MMP16: variants seen among roughly 807,000 people sequenced by gnomAD.
MMP16 encodes the protein matrix metalloproteinase-16.
MMP16 carries 12 observed loss-of-function variants against 67.8 expected under a neutral mutation model. The ratio of observed to expected loss-of-function variants is 0.18; its 90% CI spans 0.11 to 0.29. MMP16 has a LOEUF of 0.29. Ranked by LOEUF, MMP16 falls within the 10% of genes least tolerant of loss-of-function variation. The probability of loss-of-function intolerance (pLI) is 1.00; values close to 1 mark genes in which losing one functional copy is unlikely to be tolerated. For missense variants in MMP16, 475 were observed against 765.7 expected (o/e 0.62, Z 4.48); for synonymous variants, 249 against 255.9 (o/e 0.97, Z 0.26).
At chr8:88,319,925 A>G (rs1405736587) in intron 1 of MMP16, among the ~76,000 whole-genome samples, 5 of 152,184 alleles carry the variant, frequency 3.3e-5, no homozygotes, top group East Asian at 1.9e-4. Context: ...ACTTACTTCA[A>G]TAATCCATAT....
intron 3 of MMP16, among the ~76,000 whole-genome samples, chr8:88,185,814 C>T (rs1294894649): frequency 6.6e-6 from 1 of 152,080 alleles, no homozygotes; most frequent in Admixed American, 6.6e-5. Context: ...TTATAACAAG[C>T]ATTGTATTTA....
chr8:88,326,622 CCTCTA>C (rs1811542605), intron 1 of MMP16, among the ~76,000 whole-genome samples: 1 of 152,132 alleles, frequency 6.6e-6, no homozygotes, highest in Admixed American at 6.5e-5. Flanking sequence ...CCCACGCTCT[CCTCTA>C]GATTCTTTGA....
In MMP16 at chr8:88,056,236, C is replaced by A; in HGVS notation, c.1265G>T (p.Gly422Val). Residue 422 changes from glycine (G) to valine (V), a missense_variant, in exon 8 of 10, where the codon GGT becomes GTT. Around this residue, in one of 5 missense-constraint regions of MMP16, gnomAD observed 195 missense variants for 300.9 expected, o/e 0.65. Transcript: ENST00000286614. ...WVFKDTTLQP[G>V]YPHDLITLGS... Reference sequence around the variant, plus strand: ...AAGGGTTATCAAGTCATGAGGGTAACCAGGTTGAAGAGTTGTATCCTTGAA... The same window carrying A: ...AAGGGTTATCAAGTCATGAGGGTAAACAGGTTGAAGAGTTGTATCCTTGAA... 6.3e-7 allele frequency: 1 copy of A among 1,597,192 alleles called. No homozygotes were observed. Among genetic ancestry groups the A allele is most frequent in the Non-Finnish European group, 8.5e-7 (1 of 1,169,920 alleles).
At chr8:88,096,767 A>G (rs542227138) in intron 6 of MMP16, among the ~76,000 whole-genome samples, 45 of 152,022 alleles carry the variant, frequency 3.0e-4, no homozygotes, top group Middle Eastern at 3.4e-3. Flanking sequence ...TCTGGCAAAT[A>G]TTATCTAAAT....
At chr8:88,283,799 TG>T (rs1054206010) in intron 1 of MMP16, among the ~76,000 whole-genome samples, 24 of 152,216 alleles carry the variant, frequency 1.6e-4, no homozygotes, top group Admixed American at 9.8e-4. Context: ...TTCCCATAAA[TG>T]TACTGTTTGG....
At chr8:88,259,619 GGAAAGA>G (rs1810356249) in intron 1 of MMP16, among the ~76,000 whole-genome samples, 2 of 151,838 alleles carry the variant, frequency 1.3e-5, no homozygotes, top group Non-Finnish European at 2.9e-5. Flanking sequence ...AAAAAAGAAA[GGAAAGA>G]GAAAGAGAAA....
intron 1 of MMP16, among the ~76,000 whole-genome samples, chr8:88,296,840 G>T (rs1811020589): frequency 7.3e-6 from 1 of 136,574 alleles, no homozygotes. Flanking sequence ...GTCAGACACT[G>T]CCTAAAAAAA....
intron 1 of MMP16, among the ~76,000 whole-genome samples, chr8:88,254,328 G>C (rs1367545271): frequency 6.6e-6 from 1 of 152,096 alleles, no homozygotes; most frequent in African/African-American, 2.4e-5. Context: ...GTGAGAGGGA[G>C]AGGATCAGGA....
chr8:88,257,203 A>T (rs1810316798), intron 1 of MMP16, among the ~76,000 whole-genome samples: 1 of 152,204 alleles, frequency 6.6e-6, no homozygotes, highest in South Asian at 2.1e-4. Context: ...AAGGACCTAC[A>T]TCCATTCAAC....
intron 1 of MMP16, among the ~76,000 whole-genome samples, chr8:88,313,162 G>T (rs1811323022): frequency 6.6e-6 from 1 of 152,162 alleles, no homozygotes; most frequent in African/African-American, 2.4e-5. Flanking sequence ...TTATATGGAT[G>T]TATCAGAGTT....
rs1210000450 is a variant in MMP16 at position 88,046,688 on chromosome 8, T to C, written c.1470A>G (p.Ala490=). ...GCATACCATTTTCTTTGTGTACAAA[T>C]GCTCCCTGAGGAGATTCAGGGATCC... The part of the protein sequence containing the change: ...WKGIPESPQG[A]FVHKENGFTY... Residue 490 remains alanine (A), a synonymous_variant, in exon 9 of 10, where the codon GCA becomes GCG. Transcript: ENST00000286614. 6.2e-7 allele frequency: 1 copy of C among 1,602,860 alleles called. No individual in the cohort carries two copies. Among genetic ancestry groups the C allele is most frequent in the African/African-American group, 1.3e-5 (1 of 74,310 alleles).
At chr8:88,201,446 G>T (rs1809344006) in intron 1 of MMP16, among the ~76,000 whole-genome samples, 1 of 152,008 alleles carries the variant, frequency 6.6e-6, no homozygotes, top group Admixed American at 6.6e-5. Flanking sequence ...GTACTCATAT[G>T]AATAGAAAAG....
chr8:88,206,968 T>C (rs906756825), intron 1 of MMP16, among the ~76,000 whole-genome samples: 46 of 152,326 alleles, frequency 3.0e-4, no homozygotes, highest in African/African-American at 1.1e-3. Context: ...TCCATTTATA[T>C]GTATATTTTT....
rs529192880 is a variant in MMP16 at position 88,242,474 on chromosome 8, G to C, written c.133-45168C>G. Reference sequence around the variant, plus strand: ...AAATGATACTTTGCAATAAAGTTAAGTATGCTGCCCTGTGTGAACACAGCA... The same window carrying C: ...AAATGATACTTTGCAATAAAGTTAACTATGCTGCCCTGTGTGAACACAGCA... On this transcript the variant is annotated intron_variant, in intron 1 of 9. Transcript: ENST00000286614. 3.3e-5 allele frequency among the ~76,000 whole-genome samples: 5 copies of C among 152,324 alleles called. 1 individual carries two copies. The East Asian group carries it at 9.7e-4, about 29-fold the overall frequency.
chr8:88,091,800 T>G (rs1212410691), intron 6 of MMP16, among the ~76,000 whole-genome samples: 2 of 151,912 alleles, frequency 1.3e-5, no homozygotes, highest in Non-Finnish European at 2.9e-5. Flanking sequence ...TTAAGTTAAC[T>G]AAATCTAATT....
chr8:88,186,012 G>A (rs1480276750), intron 3 of MMP16, among the ~76,000 whole-genome samples: 1 of 152,078 alleles, frequency 6.6e-6, no homozygotes, highest in Non-Finnish European at 1.5e-5. Context: ...CTCTAGGTTG[G>A]AAAATACTTT....
At chr8:88,256,554 C>A (rs545774006) in intron 1 of MMP16, among the ~76,000 whole-genome samples, 1 of 151,964 alleles carries the variant, frequency 6.6e-6, no homozygotes, top group Non-Finnish European at 1.5e-5. Flanking sequence ...TGAATCAAAC[C>A]GACTTTTTCT....
At chr8:88,072,790 T>G (rs952127166) in intron 7 of MMP16, among the ~76,000 whole-genome samples, 2 of 152,298 alleles carry the variant, frequency 1.3e-5, no homozygotes, top group South Asian at 2.1e-4. Flanking sequence ...AAATTTCTAT[T>G]TGAATGCTGT....
At chr8:88,278,856 G>T (rs11986608) in intron 1 of MMP16, among the ~76,000 whole-genome samples, 1 of 152,016 alleles carries the variant, frequency 6.6e-6, no homozygotes, top group East Asian at 1.9e-4. Context: ...TTGTAGATTT[G>T]CATAAATAAC....
Sources: gnomAD v4.1 joint callset for allele counts (sites outside exome capture counted in the v4.1 genomes callset) on GRCh38, gnomAD v4.1.1 for gene constraint, gnomAD v4.1.1 regional missense constraint, MANE v1.5 for transcripts, NCBI Gene and HGNC (gene_info 2026-07-23, HGNC 2026-07-21) for gene names.